Variants in ADCY1 observed in about 807,000 individuals in gnomAD.
ADCY1 encodes the protein adenylate cyclase type 1.
In ADCY1, 28 loss-of-function variants were observed where a neutral mutation model predicts 105.4. The observed-to-expected ratio is 0.27, with a 90% CI of 0.20 to 0.36. ADCY1 has a LOEUF of 0.36. ADCY1 is among the 10% of genes least tolerant of loss of function. The pLI is 1.00. For missense variants in ADCY1, 977 were observed against 1,434.2 expected, an observed-to-expected ratio of 0.68 and a Z score of 5.15; for synonymous variants, 655 against 623.8, an observed-to-expected ratio of 1.05 and a Z score of -0.75.
chr7:45,650,674 C>T (rs1465362319), intron 5 of ADCY1, among the ~76,000 whole-genome samples: 1 of 152,164 alleles, frequency 6.6e-6, no homozygotes, highest in Non-Finnish European at 1.5e-5. Flanking sequence ...CCCCTGGTCT[C>T]CTTACCTGGC....
At chr7:45,689,802 G>A (rs1431886259) in intron 14 of ADCY1, among the ~76,000 whole-genome samples, 1 of 152,242 alleles carries the variant, frequency 6.6e-6, no homozygotes, top group East Asian at 1.9e-4. Flanking sequence ...GCAAAGCCAG[G>A]CATACTGTGT....
At chr7:45,617,116 C>G (rs1003371240) in intron 3 of ADCY1, among the ~76,000 whole-genome samples, 6 of 152,202 alleles carry the variant, frequency 3.9e-5, no homozygotes, top group African/African-American at 1.4e-4. Context: ...TTTTTAAATC[C>G]TAGCTTTTAG....
chr7:45,687,658 G>A (rs1197313777), intron 14 of ADCY1, among the ~76,000 whole-genome samples: 1 of 152,212 alleles, frequency 6.6e-6, no homozygotes, highest in African/African-American at 2.4e-5. Flanking sequence ...ATAGCTCTTC[G>A]CTGTTGGAGC....
intron 2 of ADCY1, among the ~76,000 whole-genome samples, chr7:45,604,829 G>A (rs1419751345): frequency 1.3e-5 from 2 of 152,076 alleles, no homozygotes; most frequent in Admixed American, 6.5e-5. Flanking sequence ...ATATTTAAGT[G>A]TTAGAATAAT....
chr7:45,683,673 G>A (rs1784607940), intron 11 of ADCY1, among the ~76,000 whole-genome samples: 1 of 152,152 alleles, frequency 6.6e-6, no homozygotes. Flanking sequence ...TTTGATGATG[G>A]AGGGCTGCTG....
At position 45,720,711 on chromosome 7, in the gene ADCY1, G is replaced by A. The variant is rs962279392; in HGVS notation, c.*6716G>A. On this transcript the variant is annotated 3_prime_UTR_variant, in exon 20 of 20. Coordinates refer to ENST00000297323, the MANE Select transcript of ADCY1 (RefSeq NM_021116.4). The stretch of plus-strand genomic sequence containing the variant: ...TATTAATACACCGATAACCACAGGG[G>A]AAGGGCACTTGTCGCTCTCCCACCT... The A allele has an allele frequency of 6.6e-6, 1 of 152,100 alleles. No individual in the cohort carries two copies. The highest frequency in any genetic ancestry group is 6.5e-5 in the Admixed American group (1 of 15,280). The allele number at this position is 152,100 out of a possible 1,614,324, so 9.4% of individuals were successfully genotyped here. A position where few individuals can be genotyped will look rare whatever the true frequency, so the allele number is the denominator to read the frequency against.
chr7:45,722,576 TATG>T lies in ADCY1; in HGVS notation c.*8586_*8588del, dbSNP rs1785498121. On this transcript the variant is annotated 3_prime_UTR_variant, in exon 20 of 20. Transcript: ENST00000297323. ...CCCGCTCAAACAACAATGTCCTTATTATGATGACCATCTCGTAGTGGTACATTC... is the reference window on the plus strand; with the variant it reads ...CCCGCTCAAACAACAATGTCCTTATTATGACCATCTCGTAGTGGTACATTC... 1 of 152,228 alleles carries T rather than the reference TATG, an allele frequency of 6.6e-6. No individual in the cohort carries two copies. Among genetic ancestry groups the T allele is most frequent in the African/African-American group, 2.4e-5 (1 of 41,444 alleles). 9.4% of individuals were successfully genotyped at this position (152,228 alleles called of 1,614,324 possible).
At chr7:45,661,044 C>T (rs1023282123) in intron 7 of ADCY1, among the ~76,000 whole-genome samples, 4 of 149,442 alleles carry the variant, frequency 2.7e-5, no homozygotes, top group Admixed American at 6.6e-5. Flanking sequence ...AGGGGAGGGT[C>T]GATGCCTCAG....
At chr7:45,590,752 C>T (rs1792890698) in intron 1 of ADCY1, among the ~76,000 whole-genome samples, 1 of 152,144 alleles carries the variant, frequency 6.6e-6, no homozygotes, top group Non-Finnish European at 1.5e-5. Context: ...GAGAGACCAT[C>T]CTATTGGATG....
Position 45,713,993 on chromosome 7 carries a change from T to C in ADCY1, c.3358T>C (p.Ter1120GlnextTer93). 1 of 774,334 alleles carries C rather than the reference T, an allele frequency of 1.3e-6. No individual in the cohort carries two copies. Among genetic ancestry groups the C allele is most frequent in the Non-Finnish European group, 2.4e-6 (1 of 413,882 alleles). 48.0% of individuals were successfully genotyped at this position (774,334 alleles called of 1,614,324 possible). A position where few individuals can be genotyped will look rare whatever the true frequency, so the allele number is the denominator to read the frequency against. ...LPSAAAGKEA[*>Q] ...CTCTGCAGCAGCTGGGAAGGAGGCT[T>C]AGTGGAGCCCACGTGGGCCTCTGGG... Residue 1120 changes from the stop codon to glutamine (Q), a stop_lost, in exon 20 of 20, where the codon TAG (stop) becomes CAG (glutamine). Coordinates refer to ENST00000297323, the MANE Select transcript of ADCY1 (RefSeq NM_021116.4).
At chr7:45,610,823 G>A (rs1584268372) in intron 3 of ADCY1, among the ~76,000 whole-genome samples, 2 of 34,544 alleles carry the variant, frequency 5.8e-5, no homozygotes, top group Non-Finnish European at 1.3e-4. Flanking sequence ...GAGGTATGGA[G>A]GTGATAGTGG....
At chr7:45,578,746 G>A (rs1792426753) in intron 1 of ADCY1, among the ~76,000 whole-genome samples, 1 of 152,204 alleles carries the variant, frequency 6.6e-6, no homozygotes, top group South Asian at 2.1e-4. Flanking sequence ...GAGAACCAGG[G>A]TGCAGCACAT....
At position 45,710,201 on chromosome 7, in the gene ADCY1, C is replaced by A. The variant is rs1341870607; in HGVS notation, c.2933-327C>A. Among the ~76,000 whole-genome samples, 1 of 152,208 alleles carries A rather than the reference C, an allele frequency of 6.6e-6. No homozygotes were observed. The highest frequency in any genetic ancestry group is 1.9e-4 in the East Asian group (1 of 5,192). On this transcript the variant is annotated intron_variant, in intron 18 of 19. Transcript: ENST00000297323. The surrounding 1 kb of genome is among the most constrained non-coding windows in gnomAD (Gnocchi z 4.7). ...CTTCTGAGTGGCTCCCCTGGTAGGGCTCAGCACAGAGGCTGCTATTCCAGG... is the reference window on the plus strand; with the variant it reads ...CTTCTGAGTGGCTCCCCTGGTAGGGATCAGCACAGAGGCTGCTATTCCAGG...
intron 14 of ADCY1, among the ~76,000 whole-genome samples, chr7:45,700,328 T>C (rs1351170416): frequency 6.6e-6 from 1 of 152,218 alleles, no homozygotes; most frequent in East Asian, 1.9e-4. Context: ...GTCGGTGGCA[T>C]GGGTCACAGA....
chr7:45,622,060 G>A (rs1055757587), intron 3 of ADCY1, among the ~76,000 whole-genome samples: 1 of 152,190 alleles, frequency 6.6e-6, no homozygotes. Context: ...CACTCAGTAC[G>A]TAGAGGCTTT....
intron 14 of ADCY1, among the ~76,000 whole-genome samples, chr7:45,700,051 A>G (rs1784967555): frequency 6.6e-6 from 1 of 152,014 alleles, no homozygotes; most frequent in Non-Finnish European, 1.5e-5. Flanking sequence ...AGCATTAGGG[A>G]CTTCTACCCC....
At position 45,574,496 on chromosome 7, in the gene ADCY1, G is replaced by A. The variant is rs1792256772; in HGVS notation, c.-48G>A. On this transcript the variant is annotated 5_prime_UTR_variant, in exon 1 of 20. Coordinates refer to ENST00000297323, the MANE Select transcript of ADCY1 (RefSeq NM_021116.4). The surrounding 1 kb of genome is among the most constrained non-coding windows in gnomAD (Gnocchi z 7.0). ...CCGCCGCCCGCGCCCCGGCGCCCCG[G>A]GCCGGCGAGGGGCGCGCCCGCGGCC... 5 of 918,176 alleles carry A rather than the reference G, an allele frequency of 5.4e-6. No individual in the cohort carries two copies. The highest frequency in any genetic ancestry group is 5.2e-6 in the Non-Finnish European group (4 of 773,490). The allele number at this position is 918,176 out of a possible 1,614,324, so 56.9% of individuals were successfully genotyped here. A position where few individuals can be genotyped will look rare whatever the true frequency, so the allele number is the denominator to read the frequency against.
chr7:45,716,424 A>C lies in ADCY1; in HGVS notation c.*2429A>C, dbSNP rs1490634706. ...GTCCCCTTTCCACTAGGATTTTCTC[A>C]TCCTCATCTGTCTATCCCAGCCGGA... On this transcript the variant is annotated 3_prime_UTR_variant, in exon 20 of 20. Coordinates refer to ENST00000297323, the MANE Select transcript of ADCY1 (RefSeq NM_021116.4). The C allele has an allele frequency of 6.6e-6, 1 of 152,542 alleles. No homozygotes were observed. Among genetic ancestry groups the C allele is most frequent in the Non-Finnish European group, 1.5e-5 (1 of 68,324 alleles). The allele number at this position is 152,542 out of a possible 1,614,324, so 9.4% of individuals were successfully genotyped here.
chr7:45,610,099 C>T (rs977860725), intron 2 of ADCY1, among the ~76,000 whole-genome samples: 5 of 152,274 alleles, frequency 3.3e-5, no homozygotes, highest in Admixed American at 2.0e-4. Context: ...GCAGTGTTTT[C>T]ACAGCTGTAA....
Sources: allele counts gnomAD v4.1 joint callset (sites outside exome capture counted in the v4.1 genomes callset), GRCh38; gene constraint gnomAD v4.1.1; non-coding constraint Gnocchi (gnomAD v3.1); transcripts MANE v1.5; gene names NCBI Gene and HGNC (gene_info 2026-07-23, HGNC 2026-07-21).